The following SH2D3C variants were observed in gnomAD, a reference collection of about 807,000 sequenced individuals.
SH2D3C encodes the protein SH2 domain-containing protein 3C.
Under a neutral mutation model 75.2 loss-of-function variants are expected in SH2D3C, and 25 were observed. The observed-to-expected ratio is 0.33, with a 90% CI of 0.24 to 0.46. SH2D3C has a LOEUF of 0.46. Ranked by LOEUF, SH2D3C falls within the 20% of genes least tolerant of loss-of-function variation. The pLI is 1.00. For missense variants in SH2D3C, 933 were observed against 1,165.3 expected (o/e 0.80, Z 2.90); for synonymous variants, 450 against 473.7 (o/e 0.95, Z 0.65).
chr9:127,746,655 T>C (rs1414608597), intron 6 of SH2D3C, among the ~76,000 whole-genome samples: 1 of 148,206 alleles, frequency 6.7e-6, no homozygotes. Flanking sequence ...ATACAAAAAT[T>C]AGCTAGGCAT....
Position 127,754,847 on chromosome 9 carries a change from G to A in SH2D3C, c.556-3547C>T, listed in dbSNP as rs769069618. 12 of 495,762 alleles carry A rather than the reference G, an allele frequency of 2.4e-5. No homozygotes were observed. The highest frequency in any genetic ancestry group is 4.9e-5 in the Non-Finnish European group (12 of 243,762). The allele number at this position is 495,762 out of a possible 1,614,324, so 30.7% of individuals were successfully genotyped here. ...AGGCAGAAACGGACCGGCATCTACC[G>A]CAGCCCAGAGTCCCAGGAGTGGCCG... On this transcript the variant is annotated intron_variant, in intron 3 of 11. Coordinates refer to ENST00000314830, the MANE Select transcript of SH2D3C (RefSeq NM_170600.3). The surrounding 1 kb of genome is among the most constrained non-coding windows in gnomAD (Gnocchi z 4.4).
intron 1 of SH2D3C, among the ~76,000 whole-genome samples, chr9:127,777,495 C>T (rs1829040142): frequency 6.8e-6 from 1 of 147,528 alleles, no homozygotes; most frequent in Non-Finnish European, 1.5e-5. Flanking sequence ...CACCTGGGAT[C>T]CCATGATGCC....
chr9:127,745,340 AG>A (rs1844996800), intron 6 of SH2D3C, among the ~76,000 whole-genome samples: 1 of 151,916 alleles, frequency 6.6e-6, no homozygotes, highest in Non-Finnish European at 1.5e-5. Context: ...AGGCTGCTGC[AG>A]CCTTGGGGAC....
intron 9 of SH2D3C, 124 bp downstream of exon 9, chr9:127,741,662 GTA>G: frequency 8.6e-7 from 1 of 1,169,380 alleles, no homozygotes; most frequent in Non-Finnish European, 1.2e-6. Flanking sequence ...GTTCTCCCGG[GTA>G]GTCTCACCAA....
intron 2 of SH2D3C, among the ~76,000 whole-genome samples, chr9:127,773,395 C>A (rs1255846886): frequency 6.6e-6 from 1 of 152,026 alleles, no homozygotes; most frequent in Non-Finnish European, 1.5e-5. Context: ...TAGAGGCTAA[C>A]TGGGACTTTG....
At chr9:127,759,370 C>T (rs1845471290) in intron 3 of SH2D3C, among the ~76,000 whole-genome samples, 1 of 152,180 alleles carries the variant, frequency 6.6e-6, no homozygotes, top group South Asian at 2.1e-4. Context: ...CATGTGCCAC[C>T]ACGCCTGGCT....
chr9:127,744,791 G>C lies in SH2D3C; in HGVS notation c.1573C>G (p.Leu525Val), dbSNP rs1290777607. The C allele has an allele frequency of 2.5e-6, 4 of 1,614,204 alleles. No individual in the cohort carries two copies. In the South Asian group the frequency reaches 4.4e-5, roughly 18 times the overall value. ...SQQARSYGERLKELSENGAPE... is the reference protein window; with the variant it reads ...SQQARSYGERVKELSENGAPE... ...GCCCCATTTTCTGACAGTTCCTTTA[G>C]CCTCTCCCCATAGCTCCTGGCCTGC... The change falls in exon 7 of 12, where the codon CTA (leucine) becomes GTA (valine). Residue 525 changes from leucine to valine, a missense_variant. Leu to Val is a conservative substitution (Grantham distance 32). Coordinates refer to ENST00000314830, the MANE Select transcript of SH2D3C (RefSeq NM_170600.3).
chr9:127,760,268 C>T (rs1341196721), intron 3 of SH2D3C, among the ~76,000 whole-genome samples: 1 of 152,150 alleles, frequency 6.6e-6, no homozygotes, highest in African/African-American at 2.4e-5. Flanking sequence ...GCTCCTTGCC[C>T]TCTGCCTACT....
chr9:127,771,429 T>TCTCCGCCTCGAACACGGCC, intron 2 of SH2D3C: 1 of 1,252,242 alleles, frequency 8.0e-7, no homozygotes, highest in Non-Finnish European at 1.0e-6. Flanking sequence ...GGAAGGACGC[T>TCTCCGCCTCGAACACGGCC]CTCCGCCTCG....
At chr9:127,773,917 CAAA>C (rs370913098) in intron 2 of SH2D3C, 70 bp downstream of exon 2, 794 of 746,084 alleles carry the variant, frequency 1.1e-3, no homozygotes, top group Non-Finnish European at 1.3e-3. Flanking sequence ...CACTCTGTGT[CAAA>C]AAAAAAAAAA....
chr9:127,775,153 A>C lies in SH2D3C; in HGVS notation c.38-686T>G, dbSNP rs555041723. ...ATGCTTAACATGGTGCTTGGCACACAGAATAGCCTCAATCAGAATTAGCAA... is the reference window on the plus strand; with the variant it reads ...ATGCTTAACATGGTGCTTGGCACACCGAATAGCCTCAATCAGAATTAGCAA... On this transcript the variant is annotated intron_variant, in intron 1 of 11. Transcript: ENST00000314830. Among the ~76,000 whole-genome samples the C allele has an allele frequency of 2.0e-5, 3 of 152,346 alleles. No homozygotes were observed. In the East Asian group the frequency reaches 5.8e-4, roughly 29 times the overall value.
chr9:127,746,686 C>G (rs1845040959), intron 6 of SH2D3C, among the ~76,000 whole-genome samples: 1 of 152,188 alleles, frequency 6.6e-6, no homozygotes, highest in African/African-American at 2.4e-5. Flanking sequence ...GCCTGTAATC[C>G]CAGCACTGTG....
chr9:127,749,661 G>T lies in SH2D3C; in HGVS notation c.689C>A (p.Ser230Ter), dbSNP rs766055901. 6.5e-7 allele frequency: 1 copy of T among 1,542,798 alleles called. No individual in the cohort carries two copies. Among genetic ancestry groups the T allele is most frequent in the Non-Finnish European group, 8.7e-7 (1 of 1,147,616 alleles). The change falls in exon 5 of 12, where the codon TCG becomes TAG. Residue 230 changes from serine (S) to a stop codon, truncating the protein, a stop_gained. Coordinates refer to ENST00000314830, the MANE Select transcript of SH2D3C (RefSeq NM_170600.3). LOFTEE classifies it high-confidence loss of function. This position sits in a 1 kb window ranked among gnomAD's most constrained non-coding sequence, Gnocchi z 5.9. ...GCCGTTGCGTTGTACCAAGGTCTCC[G>T]AGACCTGCAGAAGGCATGGTTAGGC... ...WYHGRIPREV[S>*]ETLVQRNGDF...
In SH2D3C at chr9:127,775,473, T is replaced by C. The variant is rs561029154; in HGVS notation, c.38-1006A>G. The stretch of plus-strand genomic sequence containing the variant: ...GGTGAAACCCTGTCTCTACTAAAAA[T>C]ACAAAAATTAGCTGGGCATGGTGCA... On this transcript the variant is annotated intron_variant, in intron 1 of 11. Coordinates refer to ENST00000314830, the MANE Select transcript of SH2D3C (RefSeq NM_170600.3). Among the ~76,000 whole-genome samples the C allele has an allele frequency of 1.7e-3, 253 of 151,788 alleles. 2 individuals carry two copies. Among genetic ancestry groups the C allele is most frequent in the African/African-American group, 5.9e-3 (243 of 41,378 alleles).
chr9:127,756,511 C>T (rs1217361271), intron 3 of SH2D3C, among the ~76,000 whole-genome samples: 1 of 152,034 alleles, frequency 6.6e-6, no homozygotes, highest in Non-Finnish European at 1.5e-5. Context: ...GGGCATGCAG[C>T]CTGGAATTTT....
intron 10 of SH2D3C, 33 bp downstream of exon 10, chr9:127,740,225 C>G: frequency 6.4e-7 from 1 of 1,562,998 alleles, no homozygotes; most frequent in Non-Finnish European, 8.8e-7. Context: ...GGGAGGGCTG[C>G]AGCCTGTCCA....
intron 5 of SH2D3C, among the ~76,000 whole-genome samples, chr9:127,747,560 G>C (rs1845071069): frequency 6.6e-6 from 1 of 150,892 alleles, no homozygotes; most frequent in Non-Finnish European, 1.5e-5. Flanking sequence ...CGGAGATGGA[G>C]TCTCACTCTG....
In SH2D3C at chr9:127,754,864, G is replaced by A. The variant is rs1256001451; in HGVS notation, c.556-3564C>T. The A allele has an allele frequency of 2.0e-6, 1 of 501,392 alleles. No homozygotes were observed. The highest frequency in any genetic ancestry group is 4.0e-6 in the Non-Finnish European group (1 of 247,446). 31.1% of individuals were successfully genotyped at this position (501,392 alleles called of 1,614,324 possible). On this transcript the variant is annotated intron_variant, in intron 3 of 11. Coordinates refer to ENST00000314830, the MANE Select transcript of SH2D3C (RefSeq NM_170600.3). This position sits in a 1 kb window ranked among gnomAD's most constrained non-coding sequence, Gnocchi z 4.4. The stretch of plus-strand genomic sequence containing the variant: ...CATCTACCGCAGCCCAGAGTCCCAG[G>A]AGTGGCCGCCGAACCCTCACCCCGC...
Position 127,742,927 on chromosome 9 carries a change from G to A in SH2D3C, c.1838C>T (p.Thr613Ile), listed in dbSNP as rs1290066297. ...CATGCCCCAGCGGACTCCCATTAGG[G>A]TCTGCATCTCCTTGGTAACGCCCAG... ...RILGVTKEMQ[T>I]LMGVRWGMEL... Residue 613 changes from threonine (T) to isoleucine (I), a missense_variant, in exon 8 of 12, where the codon ACC becomes ATC. Thr to Ile is a moderately conservative substitution (Grantham distance 89). Coordinates refer to ENST00000314830, the MANE Select transcript of SH2D3C (RefSeq NM_170600.3). The A allele has an allele frequency of 1.2e-6, 2 of 1,613,946 alleles. No individual in the cohort carries two copies. The highest frequency in any genetic ancestry group is 1.7e-5 in the Admixed American group (1 of 60,008).
Sources: gnomAD v4.1 joint callset for allele counts (sites outside exome capture counted in the v4.1 genomes callset) on GRCh38, gnomAD v4.1.1 for gene constraint, Gnocchi (gnomAD v3.1) non-coding constraint, MANE v1.5 for transcripts, NCBI Gene and HGNC (gene_info 2026-07-23, HGNC 2026-07-21) for gene names.